The following COL21A1 variants were observed in gnomAD, a reference collection of about 807,000 sequenced individuals.
COL21A1 encodes the protein collagen type XXI alpha 1 chain.
A neutral mutation model predicts 137.9 loss-of-function variants in COL21A1; 149 were observed. The observed-to-expected ratio is 1.08, with a 90% CI of 0.95 to 1.24. The LOEUF (loss-of-function observed/expected upper bound fraction) is 1.24. Ranked by LOEUF, COL21A1 falls within the 50% of genes most tolerant of loss-of-function variation. The probability of loss-of-function intolerance (pLI) is 0.00; values close to 1 mark genes in which losing one functional copy is unlikely to be tolerated. For synonymous variants in COL21A1, 456 were observed against 391.5 expected (o/e 1.16, Z -1.95); for missense variants, 1,167 against 1,158.4 (o/e 1.01, Z -0.11).
chr6:56,315,374 C>T (rs1464296066), intron 1 of COL21A1, among the ~76,000 whole-genome samples: 1 of 152,130 alleles, frequency 6.6e-6, no homozygotes, highest in Non-Finnish European at 1.5e-5. Flanking sequence ...CCAAGGATGA[C>T]AGCTACACCG....
intron 1 of COL21A1, among the ~76,000 whole-genome samples, chr6:56,236,209 T>C (rs1257852160): frequency 6.6e-6 from 1 of 151,990 alleles, no homozygotes; most frequent in Non-Finnish European, 1.5e-5. Flanking sequence ...GGGGCATATA[T>C]TAGCTGTCTT....
chr6:56,174,132 G>A (rs1020578940), intron 3 of COL21A1, among the ~76,000 whole-genome samples: 2 of 152,038 alleles, frequency 1.3e-5, no homozygotes, highest in African/African-American at 4.8e-5. Context: ...GAAAATACGT[G>A]ATGACAAAAT....
chr6:56,362,064 T>C (rs987651817), intron 1 of COL21A1, among the ~76,000 whole-genome samples: 1 of 152,150 alleles, frequency 6.6e-6, no homozygotes, highest in Non-Finnish European at 1.5e-5. Flanking sequence ...CTGGAAACCC[T>C]TGCCCAATCC....
At chr6:56,150,049 C>T (rs1348131885) in intron 10 of COL21A1, among the ~76,000 whole-genome samples, 1 of 152,180 alleles carries the variant, frequency 6.6e-6, no homozygotes, top group Non-Finnish European at 1.5e-5. Context: ...AAATTGATTT[C>T]CTATTAACCT....
At chr6:56,159,852 GC>G (rs1776063049) in intron 9 of COL21A1, among the ~76,000 whole-genome samples, 1 of 151,908 alleles carries the variant, frequency 6.6e-6, no homozygotes. Flanking sequence ...AGGGACTTGT[GC>G]TTTTTATGCT....
chr6:56,388,535 G>A (rs1023808971), intron 1 of COL21A1, among the ~76,000 whole-genome samples: 1 of 152,210 alleles, frequency 6.6e-6, no homozygotes, highest in African/African-American at 2.4e-5. Flanking sequence ...GTTGGCAAGA[G>A]TGACAGTGCT....
intron 9 of COL21A1, among the ~76,000 whole-genome samples, chr6:56,159,166 T>C (rs922132292): frequency 6.6e-6 from 1 of 152,112 alleles, no homozygotes; most frequent in Non-Finnish European, 1.5e-5. Context: ...TAAGAGAAAA[T>C]TATCCTCACT....
chr6:56,321,326 C>A (rs998501425), intron 1 of COL21A1, among the ~76,000 whole-genome samples: 3 of 152,144 alleles, frequency 2.0e-5, no homozygotes, highest in Non-Finnish European at 4.4e-5. Flanking sequence ...AAATTGGGTT[C>A]TCTAGGTTCA....
At chr6:56,287,777 C>T (rs1763949866) in intron 1 of COL21A1, among the ~76,000 whole-genome samples, 1 of 152,010 alleles carries the variant, frequency 6.6e-6, no homozygotes, top group African/African-American at 2.4e-5. Flanking sequence ...GGAGACTATA[C>T]TGGATTATCC....
At chr6:56,215,792 G>A (rs1780443460) in intron 1 of COL21A1, among the ~76,000 whole-genome samples, 1 of 151,982 alleles carries the variant, frequency 6.6e-6, no homozygotes, top group Non-Finnish European at 1.5e-5. Flanking sequence ...GCAAAAGCAC[G>A]AGTGGAAAAA....
At chr6:56,062,327 T>A (rs1180802576) in intron 24 of COL21A1, among the ~76,000 whole-genome samples, 1 of 152,160 alleles carries the variant, frequency 6.6e-6, no homozygotes, top group Non-Finnish European at 1.5e-5. Flanking sequence ...ACTAGCTACA[T>A]CTGGATGGCT....
chr6:56,176,601 A>AAAAGAAAG (rs56413153), intron 3 of COL21A1, among the ~76,000 whole-genome samples: 44 of 140,836 alleles, frequency 3.1e-4, no homozygotes, highest in Middle Eastern at 3.6e-3. Context: ...ATTACCAAAA[A>AAAAGAAAG]AAAGAAAGAA....
At chr6:56,211,213 G>A (rs903702256) in intron 1 of COL21A1, among the ~76,000 whole-genome samples, 7 of 29,638 alleles carry the variant, frequency 2.4e-4, no homozygotes. Context: ...ACATATATAT[G>A]TATATGTATA....
chr6:56,061,147 G>A (rs1765767817), intron 25 of COL21A1, 110 bp from the exon 26 acceptor site: 1 of 843,072 alleles, frequency 1.2e-6, no homozygotes. Context: ...ATGTAAATAT[G>A]TAAGGTATGT....
At chr6:56,180,601 A>T (rs560773103) in intron 2 of COL21A1, among the ~76,000 whole-genome samples, 1 of 152,344 alleles carries the variant, frequency 6.6e-6, no homozygotes, top group South Asian at 2.1e-4. Flanking sequence ...ACATCTGGTC[A>T]ACACATCCTA....
chr6:56,198,942 C>T (rs1042575876), intron 1 of COL21A1, among the ~76,000 whole-genome samples: 5 of 151,926 alleles, frequency 3.3e-5, no homozygotes, highest in Non-Finnish European at 4.4e-5. Context: ...TTTTTATTAA[C>T]TGAAAGGGGC....
intron 9 of COL21A1, 107 bp from the exon 10 acceptor site, chr6:56,157,056 A>T: frequency 1.6e-6 from 1 of 639,444 alleles, no homozygotes; most frequent in Non-Finnish European, 2.6e-6. Flanking sequence ...GGTTTTTTGT[A>T]TGTTAAAAAC....
At chr6:56,364,417 T>C (rs1323804716) in intron 1 of COL21A1, among the ~76,000 whole-genome samples, 1 of 152,230 alleles carries the variant, frequency 6.6e-6, no homozygotes, top group Non-Finnish European at 1.5e-5. Flanking sequence ...AAGGGCCATT[T>C]TCTCCTGGAT....
intron 1 of COL21A1, among the ~76,000 whole-genome samples, chr6:56,388,594 A>C (rs2094023092): frequency 6.6e-6 from 1 of 152,228 alleles, no homozygotes; most frequent in Non-Finnish European, 1.5e-5. Flanking sequence ...GTGCTGATAC[A>C]GCTGCAGCTG....
Sources: allele counts gnomAD v4.1 joint callset (sites outside exome capture counted in the v4.1 genomes callset), GRCh38; gene constraint gnomAD v4.1.1; transcripts MANE v1.5; gene names NCBI Gene and HGNC (gene_info 2026-07-23, HGNC 2026-07-21).